The following THSD7B variants were observed in gnomAD, a reference collection of about 807,000 sequenced individuals.
THSD7B encodes thrombospondin type-1 domain-containing protein 7B.
In THSD7B, 138 loss-of-function variants were observed where a neutral mutation model predicts 213.6. The ratio of observed to expected loss-of-function variants is 0.65; its 90% confidence interval spans 0.56 to 0.74. The LOEUF (loss-of-function observed/expected upper bound fraction) is 0.74, where lower values mean the gene tolerates loss of function less well. Among genes scored for constraint, THSD7B ranks in the 30% least tolerant of loss-of-function variants. THSD7B has a pLI of 0.00. For synonymous variants in THSD7B, 742 were observed against 687.0 expected (o/e 1.08, Z -1.25); for missense variants, 1,931 against 1,991.5 (o/e 0.97, Z 0.58).
At chr2:137,177,153 C>T (rs1327066565) in intron 7 of THSD7B, among the ~76,000 whole-genome samples, 2 of 152,100 alleles carry the variant, frequency 1.3e-5, no homozygotes, top group African/African-American at 4.8e-5. Context: ...CATTATTTGC[C>T]ATTATTCAAA....
At chr2:137,316,910 C>A (rs183639996) in intron 12 of THSD7B, among the ~76,000 whole-genome samples, 5 of 152,158 alleles carry the variant, frequency 3.3e-5, no homozygotes, top group Admixed American at 1.3e-4. Context: ...AAATGTATTA[C>A]TCCCAGCAGA....
At chr2:137,011,226 A>G (rs1401591849) in intron 2 of THSD7B, among the ~76,000 whole-genome samples, 1 of 152,182 alleles carries the variant, frequency 6.6e-6, no homozygotes, top group East Asian at 1.9e-4. Context: ...GCTACTCTGC[A>G]CTTGAGGCCA....
rs80231700 is a variant in THSD7B, at chr2:136,854,500, G to A, written c.-35-27644G>A. On this transcript the variant is annotated intron_variant, in intron 1 of 27. Transcript: ENST00000409968. ...TCCTTCCCCATCAGGCCTGTCTCTA[G>A]TGATGTCCTCCCATGGCCCCCAGCT... Among the ~76,000 whole-genome samples the A allele has an allele frequency of 4.9e-3, 738 of 151,912 alleles. 14 individuals are homozygous for A. The South Asian group carries it at 0.07, about 14-fold the overall frequency.
intron 7 of THSD7B, among the ~76,000 whole-genome samples, chr2:137,218,933 T>C (rs1681306907): frequency 6.6e-6 from 1 of 152,058 alleles, no homozygotes; most frequent in South Asian, 2.1e-4. Flanking sequence ...TTAGCTTCTA[T>C]GCTGCCTTGT....
chr2:136,828,604 A>G lies in THSD7B; in HGVS notation c.-35-53540A>G, dbSNP rs186094747. ...TATGCCTGGTCTTGCTTTCCTCTTAAGCATCATCTTGTGCTCCGTGCTTTT... is the reference window on the plus strand; with the variant it reads ...TATGCCTGGTCTTGCTTTCCTCTTAGGCATCATCTTGTGCTCCGTGCTTTT... On this transcript the variant is annotated intron_variant, in intron 1 of 27. Coordinates refer to ENST00000409968, the MANE Select transcript of THSD7B (RefSeq NM_001316349.2). 2.4e-4 allele frequency among the ~76,000 whole-genome samples: 36 copies of G among 152,234 alleles called. No individual in the cohort carries two copies. In the East Asian group the frequency reaches 7.0e-3, roughly 29 times the overall value.
In THSD7B at chr2:137,159,295, T is replaced by A. The variant is rs138708396; in HGVS notation, c.1370-918T>A. ...AAAAGCAATAGAAAAAATTAGCCGA[T>A]CATGGTGACATTGCACCAGTGGTCC... is the stretch of plus-strand genomic sequence containing the variant. On this transcript the variant is annotated intron_variant, in intron 5 of 27. Coordinates refer to ENST00000409968, the MANE Select transcript of THSD7B (RefSeq NM_001316349.2). 1.0e-3 allele frequency among the ~76,000 whole-genome samples: 158 copies of A among 151,976 alleles called. 1 individual carries two copies. The highest frequency in any genetic ancestry group is 3.8e-3 in the African/African-American group (156 of 41,476).
At chr2:137,113,873 GA>G (rs988195457) in intron 4 of THSD7B, among the ~76,000 whole-genome samples, 13 of 152,168 alleles carry the variant, frequency 8.5e-5, no homozygotes, top group African/African-American at 2.9e-4. Context: ...GGCTGAGGGA[GA>G]AAAACTCATG....
intron 1 of THSD7B, among the ~76,000 whole-genome samples, chr2:136,818,962 C>A (rs777732807): frequency 6.6e-6 from 1 of 152,034 alleles, no homozygotes; most frequent in African/African-American, 2.4e-5. Context: ...TATTTATGCT[C>A]GGGTGAAAGC....
intron 14 of THSD7B, among the ~76,000 whole-genome samples, chr2:137,421,048 T>G (rs1686912756): frequency 1.4e-4 from 1 of 7,020 alleles, no homozygotes; most frequent in African/African-American, 1.9e-4. Flanking sequence ...ACCTTTTGAC[T>G]CCTTATAAAA....
At position 136,991,961 on chromosome 2, in the gene THSD7B, C is replaced by G. The variant is rs1284754943; in HGVS notation, c.140-64459C>G. Among the ~76,000 whole-genome samples, 7 of 152,308 alleles carry G rather than the reference C, an allele frequency of 4.6e-5. No homozygotes were observed. In the South Asian group the frequency reaches 1.5e-3, roughly 32 times the overall value. On this transcript the variant is annotated intron_variant, in intron 2 of 27. Coordinates refer to ENST00000409968, the MANE Select transcript of THSD7B (RefSeq NM_001316349.2). ...ATTTCTTATTTGGCTTCTGCCTTCT[C>G]CATTAGTCACTTTACCGTAATAAAA...
chr2:136,898,567 C>G, intron 2 of THSD7B, among the ~76,000 whole-genome samples: 1 of 117,058 alleles, frequency 8.5e-6, no homozygotes, highest in Non-Finnish European at 2.1e-5. Context: ...ATTTAGCTCC[C>G]CTTGTCCCCC....
intron 7 of THSD7B, among the ~76,000 whole-genome samples, chr2:137,206,710 T>A (rs1278560681): frequency 6.6e-6 from 1 of 152,038 alleles, no homozygotes; most frequent in Non-Finnish European, 1.5e-5. Context: ...AGGCATGTTT[T>A]GTGGTAATGT....
At chr2:137,589,594 T>C (rs1211586928) in intron 17 of THSD7B, among the ~76,000 whole-genome samples, 1 of 152,184 alleles carries the variant, frequency 6.6e-6, no homozygotes, top group African/African-American at 2.4e-5. Context: ...TTCTTTTTGG[T>C]TTTTGTTTTT....
At chr2:137,166,319 G>T (rs1263253247) in intron 6 of THSD7B, among the ~76,000 whole-genome samples, 1 of 152,108 alleles carries the variant, frequency 6.6e-6, no homozygotes, top group Non-Finnish European at 1.5e-5. Flanking sequence ...ATATATAAGA[G>T]AATTAGCCTG....
Position 137,405,666 on chromosome 2 carries a change from A to C in THSD7B, c.2554A>C (p.Lys852Gln). 2 of 1,613,476 alleles carry C rather than the reference A, an allele frequency of 1.2e-6. No individual in the cohort carries two copies. Among genetic ancestry groups the C allele is most frequent in the Non-Finnish European group, 1.7e-6 (2 of 1,179,706 alleles). ...GTCAGCAGAAATGATGGAATGCCTC[A>C]AGCAGACAAACGGCATGCCTCTCCT... ...NRSAEMMECLKQTNGMPLLVQ... is the reference protein window; with the variant it reads ...NRSAEMMECLQQTNGMPLLVQ... The change falls in exon 13 of 28, where the codon AAG (lysine) becomes CAG (glutamine). Residue 852 changes from lysine to glutamine, a missense_variant. By Grantham distance (53) the Lys-to-Gln change is moderately conservative. Transcript: ENST00000409968.
chr2:136,786,841 T>C (rs1455728180), intron 1 of THSD7B, among the ~76,000 whole-genome samples: 1 of 152,194 alleles, frequency 6.6e-6, no homozygotes, highest in African/African-American at 2.4e-5. Context: ...CTAATAATTT[T>C]AGCACCATTT....
intron 19 of THSD7B, 72 bp downstream of exon 19, chr2:137,618,579 G>A: frequency 7.5e-7 from 1 of 1,325,826 alleles, no homozygotes. Flanking sequence ...GTTCCATGAT[G>A]TCCAATATAG....
At chr2:136,905,283 A>C (rs527782235) in intron 2 of THSD7B, among the ~76,000 whole-genome samples, 2 of 152,234 alleles carry the variant, frequency 1.3e-5, no homozygotes, top group South Asian at 4.1e-4. Flanking sequence ...CATGGTACTT[A>C]TTGTGTTCTA....
chr2:137,332,642 C>G (rs571347980), intron 12 of THSD7B, among the ~76,000 whole-genome samples: 2 of 152,246 alleles, frequency 1.3e-5, no homozygotes, highest in African/African-American at 4.8e-5. Flanking sequence ...TGTGTTTCCA[C>G]TCAAATCTCA....
Sources: allele counts gnomAD v4.1 joint callset (sites outside exome capture counted in the v4.1 genomes callset), GRCh38; gene constraint gnomAD v4.1.1; transcripts MANE v1.5; gene names NCBI Gene and HGNC (gene_info 2026-07-23, HGNC 2026-07-21).